Variants in HYAL4 observed in about 807,000 individuals in gnomAD.
HYAL4 encodes hyaluronidase-4.
Under a neutral mutation model 35.2 loss-of-function variants are expected in HYAL4, and 37 were observed. That is an observed-to-expected ratio of 1.05 (90% CI 0.81 to 1.38). HYAL4 has a LOEUF of 1.38. Among genes scored for constraint, HYAL4 ranks in the 40% most tolerant of loss-of-function variants. The pLI, the probability that HYAL4 is intolerant of heterozygous loss-of-function variation, is 0.00. For synonymous variants in HYAL4, 198 were observed against 203.2 expected (o/e 0.97, Z 0.22); for missense variants, 572 against 572.4 (o/e 1.00, Z 0.01).
the HYAL4 span, among the ~76,000 whole-genome samples, chr7:123,799,954 A>C: frequency 6.6e-6 from 1 of 151,894 alleles, no homozygotes; most frequent in African/African-American, 2.4e-5. Context: ...TGAGCGCAGG[A>C]GTTCGAGACC....
the HYAL4 span, among the ~76,000 whole-genome samples, chr7:123,800,328 C>T: frequency 1.3e-5 from 2 of 150,396 alleles, no homozygotes; most frequent in South Asian, 4.2e-4. Context: ...CGCCACCATG[C>T]CCGGCTAATT....
intron 2 of HYAL4, among the ~76,000 whole-genome samples, chr7:123,853,480 G>A (rs1428218223): frequency 6.6e-6 from 1 of 152,224 alleles, no homozygotes; most frequent in Admixed American, 6.5e-5. Flanking sequence ...CATCTATTGA[G>A]ATAATCATGT....
the HYAL4 span, among the ~76,000 whole-genome samples, chr7:123,769,843 T>G: frequency 6.6e-6 from 1 of 151,448 alleles, no homozygotes; most frequent in Non-Finnish European, 1.5e-5. Context: ...AAAACACCGT[T>G]AAACAAAAAG....
At chr7:123,808,180 G>GTAA in the HYAL4 span, among the ~76,000 whole-genome samples, 1 of 151,938 alleles carries the variant, frequency 6.6e-6, no homozygotes, top group Non-Finnish European at 1.5e-5. Flanking sequence ...TGGTATATAT[G>GTAA]TAAACCTTTG....
the HYAL4 span, among the ~76,000 whole-genome samples, chr7:123,806,465 C>T: frequency 1.3e-5 from 2 of 151,426 alleles, no homozygotes; most frequent in African/African-American, 2.4e-5. Context: ...TTTTTTGGGA[C>T]GGAGTTTCAC....
the HYAL4 span, among the ~76,000 whole-genome samples, chr7:123,768,750 T>C: frequency 6.6e-6 from 1 of 152,212 alleles, no homozygotes; most frequent in East Asian, 1.9e-4. Flanking sequence ...AATTTCTCCC[T>C]GAATTTTGAG....
the HYAL4 span, among the ~76,000 whole-genome samples, chr7:123,812,846 A>C: frequency 6.6e-6 from 1 of 152,168 alleles, no homozygotes; most frequent in African/African-American, 2.4e-5. Flanking sequence ...AGTCAAATTA[A>C]GATCCCATGA....
chr7:123,876,908 T>G lies in HYAL4; in HGVS notation c.1199T>G (p.Leu400Trp). 1.2e-6 allele frequency: 2 copies of G among 1,614,160 alleles called. No individual in the cohort carries two copies. Among genetic ancestry groups the G allele is most frequent in the African/African-American group, 1.3e-5 (1 of 75,048 alleles). ...KMWNAPSYLH[L>W]NPASYHIEAS... ...TGGAACGCGCCCAGTTACCTTCACT[T>G]GAACCCTGCAAGTTACCACATAGAG... is the stretch of plus-strand genomic sequence containing the variant. The change falls in exon 5 of 5, where the codon TTG becomes TGG. Residue 400 changes from leucine (L) to tryptophan (W), a missense_variant. Physicochemically the swap from Leu to Trp is moderately conservative, Grantham distance 61 (BLOSUM62 -2). Coordinates refer to ENST00000223026, the MANE Select transcript of HYAL4 (RefSeq NM_012269.3).
chr7:123,771,337 T>C, the HYAL4 span, among the ~76,000 whole-genome samples: 2 of 152,172 alleles, frequency 1.3e-5, no homozygotes, highest in South Asian at 4.1e-4. Context: ...GGGATACAGA[T>C]TTCAAAAACT....
the HYAL4 span, among the ~76,000 whole-genome samples, chr7:123,775,397 C>G: frequency 9.5e-4 from 145 of 151,996 alleles, 1 homozygote; most frequent in Non-Finnish European, 1.6e-3. Context: ...CCATGGCACT[C>G]CATACTGGGA....
chr7:123,853,838 A>C (rs1475660187), intron 2 of HYAL4, among the ~76,000 whole-genome samples: 1 of 152,000 alleles, frequency 6.6e-6, no homozygotes, highest in Non-Finnish European at 1.5e-5. Flanking sequence ...TAGAATTCGG[A>C]TGTGAATCCT....
the HYAL4 span, among the ~76,000 whole-genome samples, chr7:123,807,700 C>T: frequency 6.6e-6 from 1 of 151,006 alleles, no homozygotes; most frequent in African/African-American, 2.4e-5. Flanking sequence ...CTTGGCCTCT[C>T]AAGGTGCTCA....
the HYAL4 span, among the ~76,000 whole-genome samples, chr7:123,811,265 A>C: frequency 6.6e-6 from 1 of 152,174 alleles, no homozygotes; most frequent in Non-Finnish European, 1.5e-5. Context: ...AGAAATTGCC[A>C]AACTGTCTTG....
the HYAL4 span, among the ~76,000 whole-genome samples, chr7:123,809,252 A>G: frequency 6.6e-6 from 1 of 152,140 alleles, no homozygotes; most frequent in Non-Finnish European, 1.5e-5. Context: ...ATCTCCAATC[A>G]AGAGAATCCC....
chr7:123,851,205 A>T (rs1441320655), intron 2 of HYAL4, among the ~76,000 whole-genome samples: 1 of 152,184 alleles, frequency 6.6e-6, no homozygotes, highest in Non-Finnish European at 1.5e-5. Flanking sequence ...AATACATGCA[A>T]ATTAATGATT....
At chr7:123,837,426 A>G (rs1805981931) in intron 1 of HYAL4, among the ~76,000 whole-genome samples, 1 of 152,158 alleles carries the variant, frequency 6.6e-6, no homozygotes, top group South Asian at 2.1e-4. Context: ...ACCTCATTCT[A>G]CACCATCTGT....
intron 2 of HYAL4, among the ~76,000 whole-genome samples, chr7:123,866,370 C>A (rs1056739824): frequency 1.3e-5 from 2 of 152,132 alleles, no homozygotes; most frequent in Non-Finnish European, 2.9e-5. Flanking sequence ...AAATTCAAAG[C>A]CTAGATTAGG....
chr7:123,801,753 T>C, the HYAL4 span, among the ~76,000 whole-genome samples: 3 of 152,198 alleles, frequency 2.0e-5, no homozygotes, highest in Admixed American at 1.3e-4. Flanking sequence ...ATACATCTCT[T>C]GAGTCTACAA....
chr7:123,839,776 A>C (rs938418966), intron 1 of HYAL4, among the ~76,000 whole-genome samples: 1 of 152,082 alleles, frequency 6.6e-6, no homozygotes, highest in Non-Finnish European at 1.5e-5. Context: ...GGCTGCATAG[A>C]TATCTTCTTT....
Sources: gnomAD v4.1 joint callset for allele counts (sites outside exome capture counted in the v4.1 genomes callset) on GRCh38, gnomAD v4.1.1 for gene constraint, MANE v1.5 for transcripts, NCBI Gene and HGNC (gene_info 2026-07-23, HGNC 2026-07-21) for gene names.